The following SGCD variants were observed in gnomAD, a reference collection of about 807,000 sequenced individuals.
SGCD encodes delta-sarcoglycan.
A neutral mutation model predicts 36.6 loss-of-function variants in SGCD; 18 were observed. The ratio of observed to expected loss-of-function variants is 0.49; its 90% CI spans 0.34 to 0.73. The LOEUF is 0.73. Ranked by LOEUF, SGCD falls within the 30% of genes least tolerant of loss-of-function variation. SGCD has a pLI of 0.01. For synonymous variants in SGCD, 133 were observed against 130.6 expected, an observed-to-expected ratio of 1.02 and a Z score of -0.12; for missense variants, 387 against 346.7, an observed-to-expected ratio of 1.12 and a Z score of -0.92.
At chr5:156,516,236 A>C (rs1383651892) in intron 4 of SGCD, among the ~76,000 whole-genome samples, 5 of 151,954 alleles carry the variant, frequency 3.3e-5, no homozygotes, top group East Asian at 3.9e-4. Flanking sequence ...CCACACACAC[A>C]CCCCCAATAG....
intron 4 of SGCD, among the ~76,000 whole-genome samples, chr5:156,513,396 G>A (rs756158814): frequency 2.2e-4 from 33 of 152,140 alleles, no homozygotes; most frequent in Non-Finnish European, 3.5e-4. Flanking sequence ...CTTACTGGTC[G>A]TTTTCTGATG....
chr5:156,200,901 T>C (rs1287922187), intron 3 of SGCD, among the ~76,000 whole-genome samples: 1 of 152,186 alleles, frequency 6.6e-6, no homozygotes, highest in Non-Finnish European at 1.5e-5. Flanking sequence ...TGGAATATTA[T>C]GCAGCTTTAA....
chr5:156,739,552 C>G (rs1357949008), intron 7 of SGCD: 1 of 152,102 alleles, frequency 6.6e-6, no homozygotes, highest in Non-Finnish European at 1.5e-5. Context: ...GAAGATCACT[C>G]TAGTCTACTT....
intron 1 of SGCD, among the ~76,000 whole-genome samples, chr5:156,096,511 C>A (rs1761379856): frequency 6.6e-6 from 1 of 151,952 alleles, no homozygotes; most frequent in Admixed American, 6.5e-5. Context: ...GTTCCAATAA[C>A]TTATATTGAG....
At chr5:155,879,211 T>G (rs1016439329) in intron 1 of SGCD, among the ~76,000 whole-genome samples, 1 of 152,208 alleles carries the variant, frequency 6.6e-6, no homozygotes, top group Admixed American at 6.5e-5. Flanking sequence ...TCAAATGTCC[T>G]ATTCCTTGTA....
chr5:156,344,900 CCTCCTTTAGAAT>C (rs1216958475), intron 3 of SGCD, among the ~76,000 whole-genome samples: 1 of 152,152 alleles, frequency 6.6e-6, no homozygotes, highest in Admixed American at 6.5e-5. Flanking sequence ...AAGATATTTC[CCTCCTTTAGAAT>C]CTCCTGTATG....
chr5:156,353,636 T>A (rs1769361267), intron 3 of SGCD, among the ~76,000 whole-genome samples: 1 of 152,212 alleles, frequency 6.6e-6, no homozygotes, highest in Admixed American at 6.5e-5. Flanking sequence ...CAGCTTAGCT[T>A]GGGGACTTGG....
chr5:155,769,799 T>G, the SGCD span, among the ~76,000 whole-genome samples: 31 of 152,288 alleles, frequency 2.0e-4, no homozygotes, highest in Admixed American at 7.2e-4. Flanking sequence ...CTATTATACA[T>G]TTGTACTCAC....
chr5:156,031,258 G>A (rs1337606880), intron 1 of SGCD, among the ~76,000 whole-genome samples: 1 of 152,178 alleles, frequency 6.6e-6, no homozygotes, highest in African/African-American at 2.4e-5. Flanking sequence ...AGGTGATATT[G>A]ATGCTGCTAG....
intron 1 of SGCD, among the ~76,000 whole-genome samples, chr5:155,958,724 G>C (rs545279599): frequency 3.3e-5 from 5 of 152,268 alleles, no homozygotes; most frequent in Admixed American, 3.3e-4. Flanking sequence ...GAAAGTCCAA[G>C]CTTCGCTTTC....
intron 3 of SGCD, among the ~76,000 whole-genome samples, chr5:156,177,896 C>T (rs545493853): frequency 3.5e-4 from 54 of 152,142 alleles, no homozygotes; most frequent in Middle Eastern, 3.4e-3. Context: ...AATCACTTGG[C>T]AGCATTAAGG....
chr5:156,296,730 G>A (rs1385184591), intron 3 of SGCD, among the ~76,000 whole-genome samples: 2 of 152,124 alleles, frequency 1.3e-5, no homozygotes, highest in African/African-American at 4.8e-5. Flanking sequence ...CCTGGAAAAT[G>A]TTGGAGGAGC....
At chr5:156,449,675 T>TAAAAAAAAAAAAAAAA (rs1753910869) in intron 3 of SGCD, among the ~76,000 whole-genome samples, 1 of 19,224 alleles carries the variant, frequency 5.2e-5, no homozygotes. Context: ...CTACTAAAAA[T>TAAAAAAAAAAAAAAAA]ACAAAAAAAA....
chr5:156,046,850 C>T (rs1484042789), intron 1 of SGCD, among the ~76,000 whole-genome samples: 1 of 152,112 alleles, frequency 6.6e-6, no homozygotes, highest in African/African-American at 2.4e-5. Context: ...AATGATTAAG[C>T]TTAGCAAGGA....
intron 6 of SGCD, among the ~76,000 whole-genome samples, chr5:156,608,706 TG>T (rs1283376539): frequency 2.0e-5 from 3 of 152,232 alleles, no homozygotes; most frequent in African/African-American, 7.2e-5. Context: ...TCTAAGGACT[TG>T]CTTTATGAAT....
intron 3 of SGCD, among the ~76,000 whole-genome samples, chr5:156,388,252 T>C (rs1232501634): frequency 6.6e-6 from 1 of 152,070 alleles, no homozygotes; most frequent in African/African-American, 2.4e-5. Flanking sequence ...AAGAACTGTA[T>C]TTTTTTTCTT....
chr5:156,051,427 A>G (rs1202522311), intron 1 of SGCD, among the ~76,000 whole-genome samples: 1 of 146,406 alleles, frequency 6.8e-6, no homozygotes, highest in Non-Finnish European at 1.5e-5. Context: ...GACCACATGG[A>G]GAGAGATGGG....
At chr5:156,569,994 T>C (rs1419195791) in intron 4 of SGCD, among the ~76,000 whole-genome samples, 1 of 152,064 alleles carries the variant, frequency 6.6e-6, no homozygotes, top group Non-Finnish European at 1.5e-5. Flanking sequence ...ATTGAAGGAT[T>C]TTTTTCCCCC....
At chr5:156,740,261 C>CTGTT (rs892018625) in intron 7 of SGCD, among the ~76,000 whole-genome samples, 7 of 152,166 alleles carry the variant, frequency 4.6e-5, no homozygotes, top group African/African-American at 1.7e-4. Context: ...TTCAATATGG[C>CTGTT]TGTTGGTTCA....
Sources: allele counts gnomAD v4.1 joint callset (sites outside exome capture counted in the v4.1 genomes callset), GRCh38; gene constraint gnomAD v4.1.1; transcripts MANE v1.5; gene names NCBI Gene and HGNC (gene_info 2026-07-23, HGNC 2026-07-21).